MEGF11: variants seen among roughly 807,000 people sequenced by gnomAD.
MEGF11 encodes the protein multiple EGF like domains 11, also known as multiple epidermal growth factor-like domains protein 11.
A neutral mutation model predicts 146.6 loss-of-function variants in MEGF11; 126 were observed. That is an observed-to-expected ratio of 0.86 (90% CI 0.74 to 1.00). MEGF11 has a LOEUF of 1.00. MEGF11 is among the 50% of genes least tolerant of loss of function. The pLI is 0.00. For synonymous variants in MEGF11, 532 were observed against 583.4 expected (o/e 0.91, Z 1.27); for missense variants, 1,509 against 1,521.2 (o/e 0.99, Z 0.13).
intron 4 of MEGF11, among the ~76,000 whole-genome samples, chr15:66,101,600 G>A (rs933178968): frequency 1.3e-5 from 2 of 152,092 alleles, no homozygotes; most frequent in Admixed American, 1.3e-4. Context: ...GCAAAGAATG[G>A]GCTATGTCCC....
At chr15:66,082,449 AAAAAAAAAAAAAAAAAAATCTATCT>A (rs1471581638) in intron 5 of MEGF11, among the ~76,000 whole-genome samples, 5 of 113,816 alleles carry the variant, frequency 4.4e-5, no homozygotes, top group African/African-American at 1.5e-4. Context: ...AAAAAAAAAA[AAAAAAAAAAAAAAAAAAATCTATCT>A]ATCTATCTAT....
intron 9 of MEGF11, among the ~76,000 whole-genome samples, chr15:65,959,505 G>A (rs28575490): frequency 1.1e-3 from 175 of 152,228 alleles, no homozygotes; most frequent in African/African-American, 4.0e-3. Context: ...GCTGGTAAAG[G>A]TTTCAAAACA....
Position 66,219,908 on chromosome 15 carries a change from T to C in MEGF11, c.-9+33697A>G, listed in dbSNP as rs577639078. Among the ~76,000 whole-genome samples, 3 of 152,320 alleles carry C rather than the reference T, an allele frequency of 2.0e-5. No homozygotes were observed. In the South Asian group the frequency reaches 6.2e-4, roughly 32 times the overall value. ...AGCTGTGGTACATCCATACCGTATA[T>C]ATTAAGTTGAATAGTGTTCCCCAAA... On this transcript the variant is annotated intron_variant, in intron 1 of 25. Coordinates refer to ENST00000395614, the MANE Select transcript of MEGF11 (RefSeq NM_001385028.1).
intron 5 of MEGF11, among the ~76,000 whole-genome samples, chr15:66,033,078 CA>C (rs60932678): frequency 1.1e-4 from 9 of 80,608 alleles, no homozygotes; most frequent in African/African-American, 3.7e-4. Context: ...GAGACTCCAT[CA>C]AAAAAAAAAA....
intron 1 of MEGF11, among the ~76,000 whole-genome samples, chr15:66,201,257 C>T (rs2091149982): frequency 6.6e-6 from 1 of 152,176 alleles, no homozygotes; most frequent in Non-Finnish European, 1.5e-5. Flanking sequence ...TTCCTCCAGG[C>T]CTCAGCCTCA....
chr15:66,215,691 G>C (rs1279190866), intron 1 of MEGF11, among the ~76,000 whole-genome samples: 1 of 152,156 alleles, frequency 6.6e-6, no homozygotes, highest in South Asian at 2.1e-4. Context: ...CAGAGTTGGG[G>C]GCCAGGAAGA....
At position 66,141,230 on chromosome 15, in the gene MEGF11, A is replaced by AGG. The variant is rs1256101524; in HGVS notation, c.-8-12821_-8-12820dup. 5.8e-4 allele frequency among the ~76,000 whole-genome samples: 67 copies of AGG among 115,066 alleles called. 1 individual carries two copies. Among genetic ancestry groups the AGG allele is most frequent in the Admixed American group, 1.4e-3 (15 of 10,634 alleles). The allele number at this position is 115,066 out of a possible 152,430, so 75.5% of individuals were successfully genotyped here. A position where few individuals can be genotyped will look rare whatever the true frequency, so the allele number is the denominator to read the frequency against. On this transcript the variant is annotated intron_variant, in intron 1 of 25. Coordinates refer to ENST00000395614, the MANE Select transcript of MEGF11 (RefSeq NM_001385028.1). ...TGGGATGTCTCTGTCCTGCAGACTC[A>AGG]GGGGTGTGTGTGTGTGTGTGTGTGT...
chr15:66,122,067 A>G (rs1344389796), intron 3 of MEGF11, among the ~76,000 whole-genome samples: 2 of 152,188 alleles, frequency 1.3e-5, no homozygotes, highest in Non-Finnish European at 2.9e-5. Context: ...GTTCGAGACC[A>G]GCCTGGCCAA....
At chr15:65,945,266 G>C (rs1300494970) in intron 10 of MEGF11, among the ~76,000 whole-genome samples, 1 of 152,200 alleles carries the variant, frequency 6.6e-6, no homozygotes, top group African/African-American at 2.4e-5. Flanking sequence ...AGTTCTCACA[G>C]AGTGCCTCAC....
chr15:66,100,544 G>A (rs1157484819), intron 4 of MEGF11, among the ~76,000 whole-genome samples: 1 of 152,134 alleles, frequency 6.6e-6, no homozygotes, highest in Admixed American at 6.5e-5. Flanking sequence ...ACCTCCCTCA[G>A]TTTTTTTCAC....
chr15:66,155,254 G>GCA (rs1555477147), intron 1 of MEGF11, among the ~76,000 whole-genome samples: 1,168 of 98,390 alleles, frequency 0.012, 16 homozygotes, highest in African/African-American at 0.09. Flanking sequence ...ACATGGTGAT[G>GCA]CCCCCCACCC....
In MEGF11 at chr15:66,212,615, G is replaced by T. The variant is rs1342181891; in HGVS notation, c.-9+40990C>A. On this transcript the variant is annotated intron_variant, in intron 1 of 25. Coordinates refer to ENST00000395614, the MANE Select transcript of MEGF11 (RefSeq NM_001385028.1). ...TTTATTTTTCTCCTCTTGGCACAGA[G>T]CCCCCCAGTAACACAAGAATGCGCT... is the stretch of plus-strand genomic sequence containing the variant. Among the ~76,000 whole-genome samples, 3 of 152,210 alleles carry T rather than the reference G, an allele frequency of 2.0e-5. No homozygotes were observed. In the East Asian group the frequency reaches 5.8e-4, roughly 29 times the overall value.
Position 65,918,051 on chromosome 15 carries a change from G to T in MEGF11, c.2001C>A (p.Cys667Ter). ...GYFGQDCAQL[C>*]SCANNGTCSP... ...TGCAGGTCCCGTTGTTGGCACAGGA[G>T]CAGAGCTGGGCACAGTCCTGCCCAA... Residue 667 changes from cysteine to a stop codon, truncating the protein, a stop_gained, in exon 16 of 26, where the codon TGC (cysteine) becomes TGA (stop). Transcript: ENST00000395614. LOFTEE classifies it high-confidence loss of function. 1 of 1,613,988 alleles carries T rather than the reference G, an allele frequency of 6.2e-7. No individual in the cohort carries two copies. Among genetic ancestry groups the T allele is most frequent in the Non-Finnish European group, 8.5e-7 (1 of 1,179,878 alleles).
intron 4 of MEGF11, among the ~76,000 whole-genome samples, chr15:66,114,019 T>A (rs2087588848): frequency 6.6e-6 from 1 of 152,176 alleles, no homozygotes; most frequent in Non-Finnish European, 1.5e-5. Context: ...ACTCTGGGAC[T>A]GGGGCCCAGC....
Position 65,916,153 on chromosome 15 carries a change from T to C in MEGF11, c.2339A>G (p.Glu780Gly), listed in dbSNP as rs377093610. The C allele has an allele frequency of 2.5e-6, 4 of 1,590,132 alleles. No individual in the cohort carries two copies. The highest frequency in any genetic ancestry group is 3.4e-6 in the Non-Finnish European group (4 of 1,167,642). Residue 780 changes from glutamate to glycine, a missense_variant, in exon 18 of 26, where the codon GAG becomes GGG. Coordinates refer to ENST00000395614, the MANE Select transcript of MEGF11 (RefSeq NM_001385028.1). ...CRTGFTGQHCEQRCAPGTFGY... is the reference protein window; with the variant it reads ...CRTGFTGQHCGQRCAPGTFGY... ...CAGGGGTCAGGGCAGCTTACTCTGC[T>C]CACAGTGTTGCCCGGTGAAGCCTGT...
chr15:66,127,042 G>C (rs2088386224), intron 2 of MEGF11, among the ~76,000 whole-genome samples: 1 of 152,182 alleles, frequency 6.6e-6, no homozygotes, highest in East Asian at 1.9e-4. Flanking sequence ...GGCCCTCAAA[G>C]CACTTTTGTG....
chr15:65,964,125 T>C lies in MEGF11; in HGVS notation c.1112+783A>G, dbSNP rs557625119. Among the ~76,000 whole-genome samples, 11 of 152,262 alleles carry C rather than the reference T, an allele frequency of 7.2e-5. No individual in the cohort carries two copies. In the South Asian group the frequency reaches 1.0e-3, roughly 14 times the overall value. ...GGGCGTTCATCCAGGGCTGACAGTC[T>C]CAATTGTTACCTGGGGCAGTGCCAG... On this transcript the variant is annotated intron_variant, in intron 9 of 25. Transcript: ENST00000395614.
chr15:66,085,492 A>G (rs142266089), intron 5 of MEGF11, among the ~76,000 whole-genome samples: 230 of 152,356 alleles, frequency 1.5e-3, no homozygotes, highest in Non-Finnish European at 2.5e-3. Context: ...GACAGTTTAC[A>G]TCACAGGACT....
intron 1 of MEGF11, among the ~76,000 whole-genome samples, chr15:66,253,119 C>T (rs888798570): frequency 6.6e-5 from 10 of 152,240 alleles, no homozygotes; most frequent in Non-Finnish European, 1.3e-4. Context: ...CCGCCGAAAA[C>T]CTGCTGCGTC....
Sources: gnomAD v4.1 joint callset for allele counts (sites outside exome capture counted in the v4.1 genomes callset) on GRCh38, gnomAD v4.1.1 for gene constraint, MANE v1.5 for transcripts, NCBI Gene and HGNC (gene_info 2026-07-23, HGNC 2026-07-21) for gene names.